The following VAV2 variants were observed in gnomAD, a reference collection of about 807,000 sequenced individuals.
VAV2 encodes guanine nucleotide exchange factor VAV2.
In VAV2, 67 loss-of-function variants were observed where a neutral mutation model predicts 132.5. The observed-to-expected ratio is 0.51, with a 90% CI of 0.42 to 0.62. The LOEUF (loss-of-function observed/expected upper bound fraction) is 0.62. Among genes scored for constraint, VAV2 ranks in the 20% least tolerant of loss-of-function variants. VAV2 has a pLI of 0.00. For synonymous variants in VAV2, 492 were observed against 443.5 expected (o/e 1.11, Z -1.37); for missense variants, 938 against 1,153.6 (o/e 0.81, Z 2.71).
chr9:133,896,817 G>A (rs539406481), intron 2 of VAV2, among the ~76,000 whole-genome samples: 6 of 152,266 alleles, frequency 3.9e-5, no homozygotes, highest in East Asian at 1.9e-4. Flanking sequence ...CCAACCAGGC[G>A]GGTACAGTGG....
rs78832758 is a variant in VAV2 at position 133,969,348 on chromosome 9, C to G, written c.204+22727G>C. Among the ~76,000 whole-genome samples, 1 of 152,190 alleles carries G rather than the reference C, an allele frequency of 6.6e-6. No homozygotes were observed. Among genetic ancestry groups the G allele is most frequent in the Non-Finnish European group, 1.5e-5 (1 of 68,024 alleles). Reference sequence around the variant, plus strand: ...TTCAGTCTGTGCCAATCAGACGTCTCTCTCCAGGGATCTGACAGTGCCAGA... The same window carrying G: ...TTCAGTCTGTGCCAATCAGACGTCTGTCTCCAGGGATCTGACAGTGCCAGA... On this transcript the variant is annotated intron_variant, in intron 1 of 29. Transcript: ENST00000371850. The surrounding 1 kb of genome is among the most constrained non-coding windows in gnomAD (Gnocchi z 5.1).
rs1838853402 is a variant in VAV2 at position 133,889,705 on chromosome 9, G to A, written c.322-28273C>T. Among the ~76,000 whole-genome samples, 4 of 152,150 alleles carry A rather than the reference G, an allele frequency of 2.6e-5. No individual in the cohort carries two copies. The South Asian group carries it at 8.3e-4, about 32-fold the overall frequency. ...CATGAAATCCCAGGAAACTCCCCAG[G>A]GCACCCAACGAGGCTCGGCTGTTTG... On this transcript the variant is annotated intron_variant, in intron 2 of 29. Transcript: ENST00000371850.
chr9:133,881,383 G>A (rs926143235), intron 2 of VAV2, among the ~76,000 whole-genome samples: 7 of 152,356 alleles, frequency 4.6e-5, no homozygotes, highest in African/African-American at 1.7e-4. Flanking sequence ...TGAGAAGGAG[G>A]AGCGCCCAGC....
At chr9:133,872,328 C>G (rs780353553) in intron 2 of VAV2, among the ~76,000 whole-genome samples, 3 of 152,250 alleles carry the variant, frequency 2.0e-5, no homozygotes, top group Non-Finnish European at 2.9e-5. Context: ...TCCATGTTTC[C>G]ATGGCTGTGC....
intron 2 of VAV2, among the ~76,000 whole-genome samples, chr9:133,914,005 G>A (rs1374923326): frequency 6.6e-6 from 1 of 152,226 alleles, no homozygotes; most frequent in African/African-American, 2.4e-5. Context: ...AGAGCCGCTG[G>A]CTATGACTTA....
chr9:133,927,575 C>T (rs1190965866), intron 2 of VAV2, among the ~76,000 whole-genome samples: 2 of 152,162 alleles, frequency 1.3e-5, no homozygotes, highest in Admixed American at 6.5e-5. Flanking sequence ...GGCCACACAC[C>T]CACACCCAGC....
At chr9:133,791,011 G>C (rs536413675) in intron 13 of VAV2, among the ~76,000 whole-genome samples, 1 of 152,258 alleles carries the variant, frequency 6.6e-6, no homozygotes, top group Admixed American at 6.5e-5. Flanking sequence ...GTGTCTGGTG[G>C]GTGGCAGGCA....
intron 12 of VAV2, 25 bp downstream of exon 12, chr9:133,795,643 C>A (rs1416614708): frequency 6.2e-7 from 1 of 1,613,720 alleles, no homozygotes; most frequent in African/African-American, 1.3e-5. Flanking sequence ...GGTGGCTTCT[C>A]CCCTGCCTCA....
intron 13 of VAV2, 77 bp downstream of exon 13, chr9:133,791,706 A>G (rs917921202): frequency 5.3e-6 from 7 of 1,319,724 alleles, no homozygotes; most frequent in Non-Finnish European, 6.6e-6. Flanking sequence ...AGCTCACTCA[A>G]TACTGGGGCT....
chr9:133,833,544 G>A lies in VAV2; in HGVS notation c.449+728C>T, dbSNP rs371362195. ...GGGAGGGTGGTGGATGAGCCAGGCCGTGAGGCCCCAGCAAGGATGCTCGGT... is the reference window on the plus strand; with the variant it reads ...GGGAGGGTGGTGGATGAGCCAGGCCATGAGGCCCCAGCAAGGATGCTCGGT... On this transcript the variant is annotated intron_variant, in intron 4 of 29. Coordinates refer to ENST00000371850, the MANE Select transcript of VAV2 (RefSeq NM_001134398.2). The surrounding 1 kb of genome is among the most constrained non-coding windows in gnomAD (Gnocchi z 5.6). Among the ~76,000 whole-genome samples, 17 of 152,246 alleles carry A rather than the reference G, an allele frequency of 1.1e-4. No individual in the cohort carries two copies. Among genetic ancestry groups the A allele is most frequent in the East Asian group, 3.9e-4 (2 of 5,146 alleles).
chr9:133,808,098 GC>G (rs1289237806), intron 7 of VAV2, among the ~76,000 whole-genome samples: 1 of 152,268 alleles, frequency 6.6e-6, no homozygotes. Flanking sequence ...CCTGCTTTCT[GC>G]AGCAGCATTT....
At chr9:133,886,633 G>A (rs905639001) in intron 2 of VAV2, among the ~76,000 whole-genome samples, 1 of 152,168 alleles carries the variant, frequency 6.6e-6, no homozygotes, top group Non-Finnish European at 1.5e-5. Context: ...AAAACAAGAT[G>A]GGCCCAGAGA....
At chr9:133,964,051 A>T (rs1842061506) in intron 1 of VAV2, among the ~76,000 whole-genome samples, 1 of 70,628 alleles carries the variant, frequency 1.4e-5, no homozygotes, top group Non-Finnish European at 3.4e-5. Context: ...ATATATATAC[A>T]TATATATACA....
At chr9:133,778,725 C>T (rs754251814) in intron 22 of VAV2, 37 bp downstream of exon 22, 11 of 1,606,932 alleles carry the variant, frequency 6.8e-6, no homozygotes, top group Non-Finnish European at 8.5e-6. Flanking sequence ...GGAGCTGGAG[C>T]CGGGGACCCT....
chr9:133,800,118 C>T (rs368590352), intron 9 of VAV2, among the ~76,000 whole-genome samples: 107 of 152,360 alleles, frequency 7.0e-4, no homozygotes, highest in African/African-American at 2.5e-3. Flanking sequence ...CCAACAGTCA[C>T]CGACCCCAAA....
chr9:133,938,831 C>G (rs531094002), intron 2 of VAV2, among the ~76,000 whole-genome samples: 3 of 152,202 alleles, frequency 2.0e-5, no homozygotes, highest in Admixed American at 1.3e-4. Flanking sequence ...GCTCTTCCCC[C>G]ACCCGCCTGA....
chr9:133,982,017 C>T (rs1264240051), intron 1 of VAV2, among the ~76,000 whole-genome samples: 1 of 152,226 alleles, frequency 6.6e-6, no homozygotes, highest in Non-Finnish European at 1.5e-5. Flanking sequence ...ACAGTAAATG[C>T]AACAAACTGT....
At chr9:133,917,437 CTTTCTT>C (rs1564464282) in intron 2 of VAV2, among the ~76,000 whole-genome samples, 1 of 49,042 alleles carries the variant, frequency 2.0e-5, no homozygotes, top group African/African-American at 1.0e-4. Context: ...ACAGAAAACT[CTTTCTT>C]TTTTTTTTTT....
rs1174000114 is a variant in VAV2, at chr9:133,928,424, G to A, written c.321+10679C>T. Among the ~76,000 whole-genome samples, 3 of 152,236 alleles carry A rather than the reference G, an allele frequency of 2.0e-5. No homozygotes were observed. Among genetic ancestry groups the A allele is most frequent in the African/African-American group, 7.2e-5 (3 of 41,456 alleles). On this transcript the variant is annotated intron_variant, in intron 2 of 29. Transcript: ENST00000371850. This position sits in a 1 kb window ranked among gnomAD's most constrained non-coding sequence, Gnocchi z 5.4. ...AGGCAGCTCCCCACCCCAGCGAGGA[G>A]CGACTGCATTTTAATAAGTAATTAG...
Sources: allele counts gnomAD v4.1 joint callset (sites outside exome capture counted in the v4.1 genomes callset), GRCh38; gene constraint gnomAD v4.1.1; non-coding constraint Gnocchi (gnomAD v3.1); transcripts MANE v1.5; gene names NCBI Gene and HGNC (gene_info 2026-07-23, HGNC 2026-07-21).